Variants in RBBP6 observed in about 807,000 individuals in gnomAD.
RBBP6 encodes the protein RB binding protein 6, ubiquitin ligase, also known as E3 ubiquitin-protein ligase RBBP6.
Under a neutral mutation model 167.7 loss-of-function variants are expected in RBBP6, and 25 were observed. The observed-to-expected ratio is 0.15, with a 90% confidence interval of 0.11 to 0.21. RBBP6 has a LOEUF of 0.21. Among genes scored for constraint, RBBP6 ranks in the 10% least tolerant of loss-of-function variants. The pLI, the probability that RBBP6 is intolerant of heterozygous loss-of-function variation, is 1.00. For synonymous variants in RBBP6, 789 were observed against 735.8 expected, an observed-to-expected ratio of 1.07 and a Z score of -1.17; for missense variants, 1,868 against 2,134.2, an observed-to-expected ratio of 0.88 and a Z score of 2.46.
At chr16:24,542,366 AT>A (rs1898521759) in intron 1 of RBBP6, among the ~76,000 whole-genome samples, 1 of 152,164 alleles carries the variant, frequency 6.6e-6, no homozygotes, top group Non-Finnish European at 1.5e-5. Context: ...ATCGTCATAT[AT>A]TCAGGTTTCA....
At position 24,572,742 on chromosome 16, in the gene RBBP6, T is replaced by C. The variant is rs1899371453; in HGVS notation, c.*297T>C. ...TGTGAAATTTTCACATTTGAATTTT[T>C]TAATTGCCTGGCAAAAGCTGATATA... is the stretch of plus-strand genomic sequence containing the variant. On this transcript the variant is annotated 3_prime_UTR_variant, in exon 18 of 18. Transcript: ENST00000319715. 1 of 246,234 alleles carries C rather than the reference T, an allele frequency of 4.1e-6. No homozygotes were observed. Among genetic ancestry groups the C allele is most frequent in the Non-Finnish European group, 7.7e-6 (1 of 129,952 alleles). 15.3% of individuals were successfully genotyped at this position (246,234 alleles called of 1,614,324 possible).
Position 24,540,594 on chromosome 16 carries a change from C to T in RBBP6, c.-33C>T, listed in dbSNP as rs1567268508. 1.9e-6 allele frequency: 3 copies of T among 1,585,544 alleles called. No homozygotes were observed. The highest frequency in any genetic ancestry group is 1.4e-5 in the African/African-American group (1 of 73,772). On this transcript the variant is annotated 5_prime_UTR_variant, in exon 1 of 18. Transcript: ENST00000319715. Reference sequence around the variant, plus strand: ...ATACGTATATTGAGAGTGTCCACGTCTCCTCGCTGAACCTTAGGAATCCCT... The same window carrying T: ...ATACGTATATTGAGAGTGTCCACGTTTCCTCGCTGAACCTTAGGAATCCCT...
At chr16:24,551,870 TAAAATC>T (rs1898804956) in intron 3 of RBBP6, among the ~76,000 whole-genome samples, 1 of 151,812 alleles carries the variant, frequency 6.6e-6, no homozygotes, top group Non-Finnish European at 1.5e-5. Flanking sequence ...CCTTGTTACT[TAAAATC>T]AAGTAACTTC....
intron 14 of RBBP6, among the ~76,000 whole-genome samples, chr16:24,565,888 A>G (rs1281786674): frequency 6.6e-6 from 1 of 152,144 alleles, no homozygotes; most frequent in Non-Finnish European, 1.5e-5. Context: ...GCAACATAGC[A>G]AGACTCTGTC....
rs752381577 is a variant in RBBP6 at position 24,569,043 on chromosome 16, A to G, written c.2353A>G (p.Asn785Asp). Residue 785 changes from asparagine to aspartate, a missense_variant, in exon 17 of 18, where the codon AAT (asparagine) becomes GAT (aspartate). Transcript: ENST00000319715. ...TAGGGGACAGTCTCCTAATAAACGT[A>G]ATGTACCTCAAGGGGAAACAGAACG... ...AFRGQSPNKRNVPQGETEREY... is the reference protein window; with the variant it reads ...AFRGQSPNKRDVPQGETEREY... The G allele has an allele frequency of 6.2e-7, 1 of 1,614,198 alleles. No individual in the cohort carries two copies. Among genetic ancestry groups the G allele is most frequent in the South Asian group, 1.1e-5 (1 of 91,092 alleles).
chr16:24,549,223 A>G, intron 3 of RBBP6: 1 of 1,405,810 alleles, frequency 7.1e-7, no homozygotes, highest in Non-Finnish European at 9.2e-7. Flanking sequence ...TGATAGCATT[A>G]TCCCTGTATG....
intron 7 of RBBP6, chr16:24,558,394 T>TTTTC: frequency 1.1e-5 from 9 of 808,596 alleles, no homozygotes; most frequent in Non-Finnish European, 1.3e-5. Context: ...CTTTTTTTTT[T>TTTTC]TTTTCTTTTT....
chr16:24,563,586 A>G lies in RBBP6; in HGVS notation c.1466-24A>G, dbSNP rs200298565. 991 of 1,612,042 alleles carry G rather than the reference A, an allele frequency of 6.1e-4. 3 individuals are homozygous for G. Among genetic ancestry groups the G allele is most frequent in the Non-Finnish European group, 1.2e-4 (136 of 1,179,198 alleles). On this transcript the variant is annotated intron_variant, in intron 12 of 17. Coordinates refer to ENST00000319715, the MANE Select transcript of RBBP6 (RefSeq NM_006910.5). ...TTAATGTGCAATTTTGTATTTACCT[A>G]CTGCTTTTATTTTTTGTTTCTAGGT...
At chr16:24,556,255 TAAAG>T in intron 6 of RBBP6, 49 bp from the exon 7 acceptor site, 9 of 1,411,012 alleles carry the variant, frequency 6.4e-6, no homozygotes, top group South Asian at 2.4e-5. Flanking sequence ...ATTTATTAAA[TAAAG>T]ATAACTGCTT....
chr16:24,556,037 C>G (rs1898905262), intron 6 of RBBP6, 120 bp downstream of exon 6: 47 of 987,796 alleles, frequency 4.8e-5, no homozygotes, highest in Non-Finnish European at 7.0e-5. Context: ...TGAGCATGGT[C>G]TCTGGAGCCA....
intron 1 of RBBP6, among the ~76,000 whole-genome samples, chr16:24,544,883 T>C (rs989466670): frequency 1.3e-5 from 2 of 152,046 alleles, no homozygotes; most frequent in Admixed American, 1.3e-4. Flanking sequence ...GATTCCTCTT[T>C]CTTCTTCATT....
chr16:24,548,191 T>C (rs898876420), intron 2 of RBBP6, among the ~76,000 whole-genome samples: 2 of 152,218 alleles, frequency 1.3e-5, no homozygotes, highest in African/African-American at 4.8e-5. Flanking sequence ...ATTAAAATAA[T>C]TTCTTTTGGG....
Position 24,572,355 on chromosome 16 carries a change from C to T in RBBP6, c.5289C>T (p.His1763=), listed in dbSNP as rs1018545105. 1 of 1,552,556 alleles carries T rather than the reference C, an allele frequency of 6.4e-7. No individual in the cohort carries two copies. Among genetic ancestry groups the T allele is most frequent in the Non-Finnish European group, 8.7e-7 (1 of 1,147,438 alleles). The change falls in exon 18 of 18, where the codon CAC becomes CAT. Residue 1763 remains histidine, a synonymous_variant. Coordinates refer to ENST00000319715, the MANE Select transcript of RBBP6 (RefSeq NM_006910.5). ...TEVELEKSQK[H]KHKKKKSKKN... is the part of the protein sequence containing the mutation. ...TGGAATTGGAAAAAAGCCAAAAACA[C>T]AAACACAAGAAAAAGAAGTCAAAGA...
Position 24,559,539 on chromosome 16 carries a change from C to T in RBBP6, c.709C>T (p.Pro237Ser). The change falls in exon 8 of 18, where the codon CCC (proline) becomes TCC (serine). Residue 237 changes from proline (P) to serine (S), a missense_variant. By Grantham distance (74) the Pro-to-Ser change is moderately conservative (BLOSUM62 -1). This residue lies in a region of RBBP6 where 184 missense variants were observed against 327.7 expected (regional missense o/e 0.56). Coordinates refer to ENST00000319715, the MANE Select transcript of RBBP6 (RefSeq NM_006910.5). ...TGCAATTGGGAAGAAAGAGAAACCT[C>T]CCTTCTTACCAGAGGAGCCATCTTC... ...AYAIGKKEKP[P>S]FLPEEPSSSS... is the part of the protein sequence containing the mutation. 6.2e-7 allele frequency: 1 copy of T among 1,601,980 alleles called. No individual in the cohort carries two copies. Among genetic ancestry groups the T allele is most frequent in the Non-Finnish European group, 8.5e-7 (1 of 1,175,812 alleles).
chr16:24,540,647 A>G lies in RBBP6; in HGVS notation c.21A>G (p.Lys7=). The change falls in exon 1 of 18, where the codon AAA becomes AAG. Residue 7 remains lysine (K), a synonymous_variant. Transcript: ENST00000319715. ...GCACCATGTCCTGTGTGCATTATAA[A>G]TTTTCCTCTAAACTCAACTATGATA... MSCVHY[K]FSSKLNYDTV... is the part of the protein sequence containing the mutation. 7.4e-6 allele frequency: 12 copies of G among 1,613,842 alleles called. No individual in the cohort carries two copies. Among genetic ancestry groups the G allele is most frequent in the African/African-American group, 1.3e-5 (1 of 74,974 alleles).
intron 3 of RBBP6, among the ~76,000 whole-genome samples, chr16:24,552,184 C>G (rs538752151): frequency 6.6e-6 from 1 of 151,786 alleles, no homozygotes; most frequent in East Asian, 1.9e-4. Context: ...CTTTTAAAAC[C>G]CTAAGATATT....
At position 24,570,446 on chromosome 16, in the gene RBBP6, A is replaced by G. The variant is rs773493870; in HGVS notation, c.3756A>G (p.Arg1252=). Residue 1252 remains arginine, a synonymous_variant, in exon 17 of 18, where the codon AGA becomes AGG. Transcript: ENST00000319715. ...VKQEKVKGKV[R]RKVTGTEGSS... is the part of the protein sequence containing the mutation. ...AAGAAAAAGTCAAAGGAAAGGTCAG[A>G]CGAAAAGTGACTGGAACTGAAGGAT... 6 of 1,603,916 alleles carry G rather than the reference A, an allele frequency of 3.7e-6. No individual in the cohort carries two copies. Among genetic ancestry groups the G allele is most frequent in the Non-Finnish European group, 5.1e-6 (6 of 1,177,830 alleles).
At chr16:24,543,666 A>C (rs1051888354) in intron 1 of RBBP6, among the ~76,000 whole-genome samples, 1 of 152,140 alleles carries the variant, frequency 6.6e-6, no homozygotes, top group Non-Finnish European at 1.5e-5. Context: ...ATTTTAGACA[A>C]GAATCCTGCT....
intron 1 of RBBP6, among the ~76,000 whole-genome samples, chr16:24,543,442 C>T (rs952144166): frequency 7.9e-5 from 12 of 151,944 alleles, no homozygotes; most frequent in Non-Finnish European, 1.5e-4. Flanking sequence ...ACCACCATGC[C>T]TGGCTAATTT....
Sources: allele counts gnomAD v4.1 joint callset (sites outside exome capture counted in the v4.1 genomes callset), GRCh38; gene constraint gnomAD v4.1.1; regional missense constraint gnomAD v4.1.1; transcripts MANE v1.5; gene names NCBI Gene and HGNC (gene_info 2026-07-23, HGNC 2026-07-21).